Variants in CTNNA2 observed in about 807,000 individuals in gnomAD.
CTNNA2 encodes catenin alpha-2.
A neutral mutation model predicts 101.0 loss-of-function variants in CTNNA2; 42 were observed. The ratio of observed to expected loss-of-function variants is 0.42; its 90% CI spans 0.32 to 0.54. The LOEUF (loss-of-function observed/expected upper bound fraction) is 0.54. CTNNA2 is among the 20% of genes least tolerant of loss of function. The probability of loss-of-function intolerance (pLI) is 0.14; values close to 1 mark genes in which losing one functional copy is unlikely to be tolerated. For missense variants in CTNNA2, 871 were observed against 1,223.1 expected, an observed-to-expected ratio of 0.71 and a Z score of 4.29; for synonymous variants, 450 against 456.4, an observed-to-expected ratio of 0.99 and a Z score of 0.18.
intron 7 of CTNNA2, among the ~76,000 whole-genome samples, chr2:80,197,029 C>T (rs1165943707): frequency 1.3e-5 from 2 of 152,156 alleles, no homozygotes; most frequent in Non-Finnish European, 2.9e-5. Context: ...CCATCTCTTG[C>T]CTCCTTTCCC....
intron 2 of CTNNA2, among the ~76,000 whole-genome samples, chr2:79,301,984 T>C (rs934119798): frequency 3.3e-5 from 5 of 151,902 alleles, no homozygotes; most frequent in African/African-American, 1.2e-4. Context: ...TCCCAGCTAC[T>C]CAGAAGGTTG....
chr2:80,475,553 A>G (rs1197308320), intron 9 of CTNNA2, among the ~76,000 whole-genome samples: 1 of 152,114 alleles, frequency 6.6e-6, no homozygotes, highest in Admixed American at 6.6e-5. Context: ...GGCATCAGGA[A>G]ATCTGCTATT....
intron 3 of CTNNA2, among the ~76,000 whole-genome samples, chr2:79,846,505 A>G (rs1205516952): frequency 1.3e-5 from 2 of 152,272 alleles, no homozygotes. Context: ...TGACTTACAA[A>G]TACATACACA....
intron 7 of CTNNA2, among the ~76,000 whole-genome samples, chr2:80,011,791 G>T (rs1693804362): frequency 6.6e-6 from 1 of 152,148 alleles, no homozygotes; most frequent in African/African-American, 2.4e-5. Context: ...GTGTTACGAT[G>T]TTCCAGTATC....
intron 9 of CTNNA2, among the ~76,000 whole-genome samples, chr2:80,467,351 G>A (rs1276894119): frequency 1.3e-5 from 2 of 152,186 alleles, no homozygotes; most frequent in African/African-American, 2.4e-5. Context: ...TGACTGCATT[G>A]TACCTGCATT....
intron 4 of CTNNA2, among the ~76,000 whole-genome samples, chr2:79,457,407 C>T (rs974471019): frequency 3.3e-5 from 5 of 151,848 alleles, no homozygotes; most frequent in Non-Finnish European, 5.9e-5. Context: ...GTTGTGTGAC[C>T]TGTTACATTT....
intron 7 of CTNNA2, among the ~76,000 whole-genome samples, chr2:79,987,408 GTCC>G (rs1391405392): frequency 6.6e-6 from 1 of 152,188 alleles, no homozygotes; most frequent in Non-Finnish European, 1.5e-5. Context: ...CTGGGTTCAA[GTCC>G]CACCTGTGCC....
At chr2:79,249,330 A>C (rs549373249) in intron 2 of CTNNA2, among the ~76,000 whole-genome samples, 1 of 152,262 alleles carries the variant, frequency 6.6e-6, no homozygotes, top group South Asian at 2.1e-4. Flanking sequence ...CATACTATCT[A>C]ATAGCACTTA....
At chr2:79,303,295 C>T (rs1158827240) in intron 2 of CTNNA2, among the ~76,000 whole-genome samples, 1 of 152,154 alleles carries the variant, frequency 6.6e-6, no homozygotes, top group Non-Finnish European at 1.5e-5. Flanking sequence ...AGCACTACAT[C>T]ACGCTATCCC....
Position 79,277,942 on chromosome 2 carries a change from TGG to T in CTNNA2, c.-405-34766_-405-34765del, listed in dbSNP as rs1391200111. Among the ~76,000 whole-genome samples, 8 of 152,288 alleles carry T rather than the reference TGG, an allele frequency of 5.3e-5. No homozygotes were observed. The East Asian group carries it at 1.5e-3, about 29-fold the overall frequency. On this transcript the variant is annotated intron_variant, in intron 2 of 21. Coordinates refer to the CTNNA2 transcript ENST00000466387. ...AAATGTGAGTGAGGAACAACTAAGA[TGG>T]TCTGCTCTGGGCTACTGCTGCTCTT...
intron 7 of CTNNA2, among the ~76,000 whole-genome samples, chr2:80,019,179 G>T (rs1011687738): frequency 1.3e-5 from 2 of 152,168 alleles, no homozygotes; most frequent in African/African-American, 2.4e-5. Flanking sequence ...TTTACCATCT[G>T]TGGATTTTGG....
At chr2:79,929,423 C>T (rs1041005208) in intron 7 of CTNNA2, among the ~76,000 whole-genome samples, 9 of 152,276 alleles carry the variant, frequency 5.9e-5, no homozygotes, top group African/African-American at 2.2e-4. Flanking sequence ...AATATTTAGG[C>T]TCAATAGAAA....
At chr2:79,585,940 G>A (rs1252909603) in intron 1 of CTNNA2, among the ~76,000 whole-genome samples, 2 of 152,126 alleles carry the variant, frequency 1.3e-5, no homozygotes, top group Non-Finnish European at 2.9e-5. Context: ...AACCACGCTT[G>A]GAGAAAGAGT....
chr2:80,016,227 AG>A (rs1694132082), intron 7 of CTNNA2, among the ~76,000 whole-genome samples: 1 of 152,256 alleles, frequency 6.6e-6, no homozygotes, highest in Non-Finnish European at 1.5e-5. Flanking sequence ...AAGGGCAACA[AG>A]TAAGTGCTAC....
At chr2:80,343,081 T>C (rs907608333) in intron 7 of CTNNA2, among the ~76,000 whole-genome samples, 11 of 152,126 alleles carry the variant, frequency 7.2e-5, no homozygotes, top group African/African-American at 2.7e-4. Context: ...AACAGTTACA[T>C]TGGGTTAGGG....
intron 3 of CTNNA2, among the ~76,000 whole-genome samples, chr2:79,349,242 G>T (rs1677329812): frequency 6.6e-6 from 1 of 152,174 alleles, no homozygotes; most frequent in Non-Finnish European, 1.5e-5. Flanking sequence ...TTTTAAAGCA[G>T]TTTATATTCA....
chr2:80,096,746 T>C (rs1339893202), intron 7 of CTNNA2, among the ~76,000 whole-genome samples: 2 of 152,240 alleles, frequency 1.3e-5, no homozygotes, highest in African/African-American at 4.8e-5. Context: ...AATTGATCCC[T>C]TTACCATTAT....
At chr2:79,482,084 A>G (rs1341124402) in intron 4 of CTNNA2, among the ~76,000 whole-genome samples, 2 of 152,226 alleles carry the variant, frequency 1.3e-5, no homozygotes, top group Non-Finnish European at 2.9e-5. Flanking sequence ...TTAAAATACT[A>G]TGAATTAATT....
intron 4 of CTNNA2, among the ~76,000 whole-genome samples, chr2:79,403,985 T>A (rs1356986585): frequency 6.6e-6 from 1 of 151,694 alleles, no homozygotes; most frequent in African/African-American, 2.4e-5. Flanking sequence ...AATCTATTAT[T>A]TTTGAGCTAG....
Sources: gnomAD v4.1 joint callset for allele counts (sites outside exome capture counted in the v4.1 genomes callset) on GRCh38, gnomAD v4.1.1 for gene constraint, MANE v1.5 for transcripts, NCBI Gene and HGNC (gene_info 2026-07-23, HGNC 2026-07-21) for gene names.